Variants in CEMIP observed in about 807,000 individuals in gnomAD.
The protein encoded by CEMIP is cell migration-inducing and hyaluronan-binding protein.
CEMIP carries 105 observed loss-of-function variants against 156.9 expected under a neutral mutation model. The observed-to-expected ratio is 0.67, with a 90% CI of 0.57 to 0.79. The LOEUF is 0.79. Among genes scored for constraint, CEMIP ranks in the 30% least tolerant of loss-of-function variants. CEMIP has a pLI of 0.00. For synonymous variants in CEMIP, 676 were observed against 668.4 expected (o/e 1.01, Z -0.17); for missense variants, 1,457 against 1,769.4 (o/e 0.82, Z 3.17).
chr15:80,941,757 G>T, intron 25 of CEMIP, 92 bp from the exon 26 acceptor site: 1 of 1,190,142 alleles, frequency 8.4e-7, no homozygotes, highest in East Asian at 2.3e-5. Context: ...TACCTGCTAT[G>T]ACCAGCTCAG....
intron 1 of CEMIP, among the ~76,000 whole-genome samples, chr15:80,866,592 A>AAAATAAATAAATAAAT (rs3087304): frequency 6.1e-5 from 8 of 130,268 alleles, no homozygotes; most frequent in South Asian, 2.6e-4. Flanking sequence ...CTCTGTCTTA[A>AAAATAAATAAATAAAT]AAATAAATAA....
intron 1 of CEMIP, among the ~76,000 whole-genome samples, chr15:80,804,046 T>C (rs1896448006): frequency 6.6e-6 from 1 of 152,206 alleles, no homozygotes; most frequent in African/African-American, 2.4e-5. Context: ...CAAGAGAGCT[T>C]GTGCAGGGGA....
Position 80,943,077 on chromosome 15 carries a change from A to G in CEMIP, c.3832A>G (p.Asn1278Asp). The part of the protein sequence containing the change: ...ILQGIPWQLF[N>D]YVATIPDNSI... ...GCAAGGCATACCATGGCAGCTTTTC[A>G]ACTATGTGGCGACCATCCCTGACAA... is the stretch of plus-strand genomic sequence containing the variant. The change falls in exon 28 of 30, where the codon AAC becomes GAC. Residue 1278 changes from asparagine (N) to aspartate (D), a missense_variant. Coordinates refer to ENST00000394685, the MANE Select transcript of CEMIP (RefSeq NM_001293298.2). The G allele has an allele frequency of 6.2e-7, 1 of 1,614,206 alleles. No individual in the cohort carries two copies. Among genetic ancestry groups the G allele is most frequent in the Non-Finnish European group, 8.5e-7 (1 of 1,180,044 alleles).
intron 1 of CEMIP, among the ~76,000 whole-genome samples, chr15:80,793,990 T>G (rs957101801): frequency 4.6e-5 from 7 of 152,252 alleles, no homozygotes; most frequent in Admixed American, 1.3e-4. Flanking sequence ...CAAGTTGTTT[T>G]TGTTATTTAT....
chr15:80,895,567 G>T (rs1259509802), intron 11 of CEMIP, among the ~76,000 whole-genome samples: 1 of 152,112 alleles, frequency 6.6e-6, no homozygotes, highest in Non-Finnish European at 1.5e-5. Flanking sequence ...TAGTTGAGAG[G>T]AACTATATTT....
At chr15:80,883,598 C>G (rs528826324) in intron 6 of CEMIP, among the ~76,000 whole-genome samples, 1 of 152,104 alleles carries the variant, frequency 6.6e-6, no homozygotes, top group South Asian at 2.1e-4. Flanking sequence ...TTCTAAGATG[C>G]ATTATCATAA....
chr15:80,881,754 G>A (rs1165699417), intron 6 of CEMIP, among the ~76,000 whole-genome samples: 4 of 152,202 alleles, frequency 2.6e-5, no homozygotes, highest in Non-Finnish European at 5.9e-5. Context: ...AGCATGATCT[G>A]ATTTAAAAGT....
At position 80,931,789 on chromosome 15, in the gene CEMIP, C is replaced by T. The variant is rs910107943; in HGVS notation, c.2613-70C>T. ...GGGGCAAACATGGCGTTTAGACTGACGTCTTACTTCCTTAACTCCATAGGA... is the reference window on the plus strand; with the variant it reads ...GGGGCAAACATGGCGTTTAGACTGATGTCTTACTTCCTTAACTCCATAGGA... On this transcript the variant is annotated intron_variant, in intron 21 of 29. Coordinates refer to ENST00000394685, the MANE Select transcript of CEMIP (RefSeq NM_001293298.2). 61 of 1,491,398 alleles carry T rather than the reference C, an allele frequency of 4.1e-5. No homozygotes were observed. In the South Asian group the frequency reaches 4.6e-4, roughly 11 times the overall value. 92.4% of individuals were successfully genotyped at this position (1,491,398 alleles called of 1,614,324 possible). A position where few individuals can be genotyped will look rare whatever the true frequency, so the allele number is the denominator to read the frequency against.
Position 80,932,020 on chromosome 15 carries a change from T to C in CEMIP, c.2774T>C (p.Ile925Thr), listed in dbSNP as rs1900934736. ...TGCCCCCATAACAACGTGACCGGCA[T>C]TGCCTTTGAGGACGTTCCGGTGAGT... ...QSCPHNNVTGIAFEDVPITSR... is the reference protein window; with the variant it reads ...QSCPHNNVTGTAFEDVPITSR... Residue 925 changes from isoleucine to threonine, a missense_variant, in exon 22 of 30, where the codon ATT becomes ACT. Ile to Thr is a moderately conservative substitution (Grantham distance 89). Transcript: ENST00000394685. This position sits in a 1 kb window ranked among gnomAD's most constrained non-coding sequence, Gnocchi z 4.5. 2 of 1,613,946 alleles carry C rather than the reference T, an allele frequency of 1.2e-6. No homozygotes were observed. The highest frequency in any genetic ancestry group is 2.2e-5 in the South Asian group (2 of 91,084).
chr15:80,837,180 A>G (rs1480105378), intron 1 of CEMIP, among the ~76,000 whole-genome samples: 1 of 152,234 alleles, frequency 6.6e-6, no homozygotes, highest in Non-Finnish European at 1.5e-5. Flanking sequence ...GGCCCTCCTC[A>G]GTTATCTGTG....
At chr15:80,939,762 A>G (rs1181326659) in intron 25 of CEMIP, among the ~76,000 whole-genome samples, 2 of 152,188 alleles carry the variant, frequency 1.3e-5, no homozygotes, top group East Asian at 3.8e-4. Context: ...CCTATGGAGA[A>G]GGGCTGCAAA....
intron 1 of CEMIP, among the ~76,000 whole-genome samples, chr15:80,858,257 T>C (rs1331901489): frequency 1.3e-5 from 2 of 152,200 alleles, no homozygotes; most frequent in Non-Finnish European, 2.9e-5. Flanking sequence ...ACCTTAGTGG[T>C]AGTAAAGATT....
chr15:80,808,213 G>A (rs976316997), intron 1 of CEMIP, among the ~76,000 whole-genome samples: 1 of 152,188 alleles, frequency 6.6e-6, no homozygotes, highest in Admixed American at 6.5e-5. Flanking sequence ...TCAGTATCCG[G>A]CATGTTAGGA....
intron 1 of CEMIP, among the ~76,000 whole-genome samples, chr15:80,804,939 C>T (rs1449016738): frequency 1.3e-5 from 2 of 152,080 alleles, no homozygotes. Context: ...GGTAGCCGGG[C>T]CTGAATTTCT....
At position 80,873,655 on chromosome 15, in the gene CEMIP, G is replaced by C. The variant is rs535980563; in HGVS notation, c.-58G>C. 1.8e-6 allele frequency: 1 copy of C among 558,580 alleles called. No homozygotes were observed. Among genetic ancestry groups the C allele is most frequent in the Non-Finnish European group, 3.3e-6 (1 of 307,670 alleles). The allele number at this position is 558,580 out of a possible 1,614,324, so 34.6% of individuals were successfully genotyped here. A position where few individuals can be genotyped will look rare whatever the true frequency, so the allele number is the denominator to read the frequency against. ...GACAACGGTAGGATTTTCATGCCCC[G>C]ATCTGCCTGGCCTTGAGTTGTGGCA... is the stretch of plus-strand genomic sequence containing the variant. On this transcript the variant is annotated 5_prime_UTR_variant, in exon 2 of 30. Coordinates refer to ENST00000394685, the MANE Select transcript of CEMIP (RefSeq NM_001293298.2).
chr15:80,788,345 C>T (rs1212173972), intron 1 of CEMIP, among the ~76,000 whole-genome samples: 1 of 151,614 alleles, frequency 6.6e-6, no homozygotes, highest in Admixed American at 6.6e-5. Flanking sequence ...GTGACACATG[C>T]CTGTAATCCC....
At chr15:80,792,767 G>T (rs1317853812) in intron 1 of CEMIP, among the ~76,000 whole-genome samples, 1 of 152,172 alleles carries the variant, frequency 6.6e-6, no homozygotes, top group African/African-American at 2.4e-5. Flanking sequence ...CAAGGCATGT[G>T]CTCTAGTGTT....
At chr15:80,871,950 G>A (rs1206671767) in intron 1 of CEMIP, among the ~76,000 whole-genome samples, 1 of 152,200 alleles carries the variant, frequency 6.6e-6, no homozygotes, top group Non-Finnish European at 1.5e-5. Flanking sequence ...GAGCAGGCTT[G>A]GGTCAGGCAG....
intron 22 of CEMIP, 59 bp from the exon 23 acceptor site, chr15:80,933,186 G>T: frequency 6.9e-7 from 1 of 1,446,960 alleles, no homozygotes; most frequent in South Asian, 1.2e-5. Flanking sequence ...CTGGCCTGAT[G>T]ACGGCTGCAG....
Sources: gnomAD v4.1 joint callset for allele counts (sites outside exome capture counted in the v4.1 genomes callset) on GRCh38, gnomAD v4.1.1 for gene constraint, Gnocchi (gnomAD v3.1) non-coding constraint, MANE v1.5 for transcripts, NCBI Gene and HGNC (gene_info 2026-07-23, HGNC 2026-07-21) for gene names.